ROBO2: variants seen among roughly 807,000 people sequenced by gnomAD.
ROBO2 encodes roundabout homolog 2.
Under a neutral mutation model 160.8 loss-of-function variants are expected in ROBO2, and 53 were observed. That is an observed-to-expected ratio of 0.33 (90% CI 0.26 to 0.41). The LOEUF is 0.41. Ranked by LOEUF, ROBO2 falls within the 10% of genes least tolerant of loss-of-function variation. The pLI is 1.00. For missense variants in ROBO2, 1,577 were observed against 1,722.4 expected (o/e 0.92, Z 1.49); for synonymous variants, 664 against 611.7 (o/e 1.09, Z -1.26).
intron 6 of ROBO2, among the ~76,000 whole-genome samples, chr3:77,532,755 C>T (rs2091837959): frequency 6.6e-6 from 1 of 151,652 alleles, no homozygotes; most frequent in Non-Finnish European, 1.5e-5. Context: ...TTGTTAAGCT[C>T]TAATATAAAA....
chr3:77,193,651 G>A (rs1175063693), intron 2 of ROBO2, among the ~76,000 whole-genome samples: 2 of 152,038 alleles, frequency 1.3e-5, no homozygotes, highest in Non-Finnish European at 2.9e-5. Context: ...GAGTAGCAAA[G>A]GGTGAGGACA....
At chr3:77,380,988 C>T (rs1192316456) in intron 2 of ROBO2, among the ~76,000 whole-genome samples, 1 of 152,124 alleles carries the variant, frequency 6.6e-6, no homozygotes, top group Non-Finnish European at 1.5e-5. Flanking sequence ...CACCCATCAC[C>T]ATTCATTTCT....
chr3:76,699,687 CACA>C (rs2093006959), intron 2 of ROBO2, among the ~76,000 whole-genome samples: 1 of 152,126 alleles, frequency 6.6e-6, no homozygotes, highest in African/African-American at 2.4e-5. Context: ...TGACACAATG[CACA>C]ACATTTTATA....
chr3:76,740,284 A>G (rs891066431), intron 2 of ROBO2, among the ~76,000 whole-genome samples: 2 of 152,336 alleles, frequency 1.3e-5, no homozygotes, highest in East Asian at 3.9e-4. Flanking sequence ...AAATTTTAGA[A>G]CAAAATAAAT....
chr3:76,915,724 C>T (rs2076264342), intron 2 of ROBO2, among the ~76,000 whole-genome samples: 1 of 151,084 alleles, frequency 6.6e-6, no homozygotes, highest in Non-Finnish European at 1.5e-5. Flanking sequence ...TTTCAGGAGG[C>T]GGCTCTGTGA....
At chr3:77,357,914 T>C (rs1475382221) in intron 2 of ROBO2, among the ~76,000 whole-genome samples, 33 of 152,208 alleles carry the variant, frequency 2.2e-4, no homozygotes, top group Admixed American at 2.2e-3. Context: ...GAAAGATCCA[T>C]AAGGATTGGT....
intron 2 of ROBO2, among the ~76,000 whole-genome samples, chr3:76,941,611 A>G (rs1195556920): frequency 6.6e-6 from 1 of 152,192 alleles, no homozygotes; most frequent in Admixed American, 6.5e-5. Context: ...GGAAGGCTCC[A>G]TGTCTTATGC....
chr3:76,677,932 T>A (rs1039098094), intron 2 of ROBO2, among the ~76,000 whole-genome samples: 1 of 146,666 alleles, frequency 6.8e-6, no homozygotes, highest in African/African-American at 2.5e-5. Flanking sequence ...TAGGATCTAT[T>A]TTCTCTCACA....
intron 2 of ROBO2, among the ~76,000 whole-genome samples, chr3:76,490,248 G>A (rs1043592901): frequency 1.3e-5 from 2 of 152,166 alleles, no homozygotes; most frequent in Non-Finnish European, 2.9e-5. Context: ...ATTGATGCCT[G>A]TCCTCGCTGT....
At chr3:76,927,259 A>G (rs193269973) in intron 2 of ROBO2, among the ~76,000 whole-genome samples, 10 of 152,306 alleles carry the variant, frequency 6.6e-5, no homozygotes, top group African/African-American at 1.7e-4. Flanking sequence ...TTTGTTGAAT[A>G]AAAAATTACC....
chr3:77,454,177 C>T (rs1446815012), intron 2 of ROBO2, among the ~76,000 whole-genome samples: 3 of 146,124 alleles, frequency 2.1e-5, no homozygotes, highest in Middle Eastern at 6.9e-3. Context: ...TAGCTTATTT[C>T]TCTTCTTTTT....
chr3:77,120,760 A>AG (rs2074675015), intron 2 of ROBO2, among the ~76,000 whole-genome samples: 1 of 152,178 alleles, frequency 6.6e-6, no homozygotes, highest in African/African-American at 2.4e-5. Context: ...CTAAAAGATA[A>AG]GAAAAAGCAA....
rs1272853547 is a variant in ROBO2, at chr3:77,090,355, T to A, written c.62-7659T>A. On this transcript the variant is annotated intron_variant, in intron 1 of 25. Coordinates refer to ENST00000461745, the Ensembl canonical transcript of ROBO2. ...TTTTTTTTTTTTTTTTTTTTTTTTT[T>A]TTTTTTTTTTTTTTTTGAGACGGAG... 3.7e-5 allele frequency among the ~76,000 whole-genome samples: 2 copies of A among 53,598 alleles called. 1 individual carries two copies. The highest frequency in any genetic ancestry group is 2.8e-4 in the African/African-American group (2 of 7,116). 35.2% of individuals were successfully genotyped at this position (53,598 alleles called of 152,430 possible). A position where few individuals can be genotyped will look rare whatever the true frequency, so the allele number is the denominator to read the frequency against.
At chr3:77,278,526 A>G (rs2060038616) in intron 2 of ROBO2, among the ~76,000 whole-genome samples, 2 of 152,208 alleles carry the variant, frequency 1.3e-5, no homozygotes, top group African/African-American at 4.8e-5. Flanking sequence ...AATTATTATT[A>G]CATATATTAA....
intron 2 of ROBO2, among the ~76,000 whole-genome samples, chr3:77,398,371 C>T (rs28609611): frequency 0.12 from 18,009 of 150,642 alleles, 1,346 homozygotes; most frequent in East Asian, 0.28. Context: ...ATTTTATTAA[C>T]TTTGCCAGTG....
At chr3:76,219,818 CA>C (rs1227902388) in intron 2 of ROBO2, among the ~76,000 whole-genome samples, 2 of 152,144 alleles carry the variant, frequency 1.3e-5, no homozygotes, top group African/African-American at 4.8e-5. Flanking sequence ...TTAGCCATCC[CA>C]TTACTGGGTA....
intron 2 of ROBO2, among the ~76,000 whole-genome samples, chr3:77,353,567 G>A (rs2068646555): frequency 6.6e-6 from 1 of 152,088 alleles, no homozygotes; most frequent in African/African-American, 2.4e-5. Context: ...TTGGAGCACA[G>A]TGGCATGACC....
At chr3:76,561,566 A>G (rs1268471734) in intron 2 of ROBO2, among the ~76,000 whole-genome samples, 2 of 152,154 alleles carry the variant, frequency 1.3e-5, no homozygotes, top group East Asian at 3.9e-4. Flanking sequence ...AAAGAAATAT[A>G]TCTGATTAGT....
intron 2 of ROBO2, among the ~76,000 whole-genome samples, chr3:76,629,419 C>A (rs2089886618): frequency 6.6e-6 from 1 of 152,126 alleles, no homozygotes; most frequent in Admixed American, 6.5e-5. Context: ...CCTCTGCAAG[C>A]TGAGGAGCAA....
Sources: gnomAD v4.1 joint callset for allele counts (sites outside exome capture counted in the v4.1 genomes callset) on GRCh38, gnomAD v4.1.1 for gene constraint, MANE v1.5 for transcripts, NCBI Gene and HGNC (gene_info 2026-07-23, HGNC 2026-07-21) for gene names.